PET117: variants seen among roughly 807,000 people sequenced by gnomAD.
PET117 encodes the protein PET117 cytochrome c oxidase chaperone.
PET117 carries 10 observed loss-of-function variants against 9.2 expected under a neutral mutation model. That is an observed-to-expected ratio of 1.09 (90% CI 0.67 to 1.85). The LOEUF (loss-of-function observed/expected upper bound fraction) is 1.85, where lower values mean the gene tolerates loss of function less well. PET117 is among the 40% of genes most tolerant of loss of function. The pLI is 0.00. For missense variants in PET117, 96 were observed against 98.2 expected (o/e 0.98, Z 0.09); for synonymous variants, 43 against 37.1 (o/e 1.16, Z -0.57).
intron 1 of PET117, among the ~76,000 whole-genome samples, chr20:18,142,005 G>A (rs1052959876): frequency 1.3e-5 from 2 of 151,908 alleles, no homozygotes; most frequent in African/African-American, 4.8e-5. Context: ...AATCATTTCA[G>A]TAATAACATT....
chr20:18,141,634 G>A (rs1205213), intron 1 of PET117, among the ~76,000 whole-genome samples: 28,987 of 152,134 alleles, frequency 0.19, 2,940 homozygotes, highest in Non-Finnish European at 0.21. Context: ...CCTGTAATCC[G>A]GCACTTTGGG....
intron 1 of PET117, among the ~76,000 whole-genome samples, chr20:18,141,047 A>ATT (rs59461611): frequency 3.7e-4 from 34 of 92,848 alleles, no homozygotes; most frequent in African/African-American, 1.5e-3. Context: ...TTTTTTTTTT[A>ATT]TTTTTATTTT....
Position 18,137,954 on chromosome 20 carries a change from G to C in PET117, c.-2G>C. ...AGAGAGGCCGCGGCCGCCAGCGTGG[G>C]GATGTCTAGGAGCTCGAAGGTGGTG... On this transcript the variant is annotated 5_prime_UTR_variant, in exon 1 of 2. Coordinates refer to ENST00000432901, the MANE Select transcript of PET117 (RefSeq NM_001164811.2). 6.7e-7 allele frequency: 1 copy of C among 1,487,340 alleles called. No homozygotes were observed. Among genetic ancestry groups the C allele is most frequent in the Non-Finnish European group, 8.9e-7 (1 of 1,126,340 alleles). 92.1% of individuals were successfully genotyped at this position (1,487,340 alleles called of 1,614,324 possible). A position where few individuals can be genotyped will look rare whatever the true frequency, so the allele number is the denominator to read the frequency against.
At chr20:18,138,134 C>T (rs1248061651) in intron 1 of PET117, 83 bp downstream of exon 1, 1 of 1,362,522 alleles carries the variant, frequency 7.3e-7, no homozygotes, top group Non-Finnish European at 9.4e-7. Context: ...CCGCTCGGTT[C>T]CTCAGCTCCT....
Position 18,142,673 on chromosome 20 carries a change from A to C in PET117, c.*316A>C, listed in dbSNP as rs1568662136. 10 of 1,614,210 alleles carry C rather than the reference A, an allele frequency of 6.2e-6. No individual in the cohort carries two copies. The highest frequency in any genetic ancestry group is 5.1e-6 in the Non-Finnish European group (6 of 1,180,044). ...TGAGAAGGAAGGGATGGATAGTAGCATCCACCTGAGTAGTCTGATCAGTCG... is the reference window on the plus strand; with the variant it reads ...TGAGAAGGAAGGGATGGATAGTAGCCTCCACCTGAGTAGTCTGATCAGTCG... On this transcript the variant is annotated 3_prime_UTR_variant, in exon 2 of 2. Coordinates refer to ENST00000432901, the MANE Select transcript of PET117 (RefSeq NM_001164811.2).
At position 18,142,609 on chromosome 20, in the gene PET117, A is replaced by G; in HGVS notation, c.*252A>G. 3 of 1,607,748 alleles carry G rather than the reference A, an allele frequency of 1.9e-6. No homozygotes were observed. The highest frequency in any genetic ancestry group is 2.2e-5 in the East Asian group (1 of 44,776). The stretch of plus-strand genomic sequence containing the variant: ...AGAAGCCCCATTAGGGTCACTGTCC[A>G]GTGCTTAGGGTTGTTACTGAGAAGC... On this transcript the variant is annotated 3_prime_UTR_variant, in exon 2 of 2. Coordinates refer to ENST00000432901, the MANE Select transcript of PET117 (RefSeq NM_001164811.2).
chr20:18,141,057 T>C, intron 1 of PET117, among the ~76,000 whole-genome samples: 1 of 139,056 alleles, frequency 7.2e-6, no homozygotes, highest in South Asian at 2.3e-4. Context: ...ATTTTTATTT[T>C]TGCTAGAGAT....
intron 1 of PET117, 118 bp downstream of exon 1, chr20:18,138,169 C>T (rs888942271): frequency 2.2e-4 from 292 of 1,335,368 alleles, no homozygotes; most frequent in Non-Finnish European, 2.4e-4. Context: ...CCCGCGGTGG[C>T]GCGGCCCTGC....
At chr20:18,141,061 TAGAG>T (rs2037555587) in intron 1 of PET117, among the ~76,000 whole-genome samples, 2 of 139,658 alleles carry the variant, frequency 1.4e-5, no homozygotes, top group African/African-American at 2.7e-5. Flanking sequence ...TTATTTTTGC[TAGAG>T]ATGGGATTTT....
At chr20:18,140,966 T>A (rs1464665041) in intron 1 of PET117, among the ~76,000 whole-genome samples, 1 of 146,410 alleles carries the variant, frequency 6.8e-6, no homozygotes, top group African/African-American at 2.5e-5. Flanking sequence ...GAGGTGATCC[T>A]ATCACCTCAG....
intron 1 of PET117, chr20:18,138,392 C>T (rs1240502284): frequency 9.6e-7 from 1 of 1,043,660 alleles, no homozygotes; most frequent in Non-Finnish European, 1.2e-6. Context: ...TCACAGCCGG[C>T]CCGCAGGGTG....
intron 1 of PET117, among the ~76,000 whole-genome samples, chr20:18,141,757 G>A (rs932564064): frequency 1.3e-5 from 2 of 152,070 alleles, no homozygotes; most frequent in Non-Finnish European, 2.9e-5. Context: ...GGTGATGCAC[G>A]CCTGTAGTCT....
In PET117 at chr20:18,143,039, T is replaced by C; in HGVS notation, c.*682T>C. The C allele has an allele frequency of 6.9e-7, 1 of 1,447,184 alleles. No individual in the cohort carries two copies. The highest frequency in any genetic ancestry group is 1.5e-5 in the South Asian group (1 of 66,782). 89.6% of individuals were successfully genotyped at this position (1,447,184 alleles called of 1,614,324 possible). A position where few individuals can be genotyped will look rare whatever the true frequency, so the allele number is the denominator to read the frequency against. ...AATAAAAGGATAATTATATTTATTC[T>C]CTAGTTGATCAGCTATAAATTTATA... On this transcript the variant is annotated 3_prime_UTR_variant, in exon 2 of 2. Transcript: ENST00000432901.
intron 1 of PET117, among the ~76,000 whole-genome samples, chr20:18,139,042 C>T (rs750664979): frequency 1.3e-5 from 2 of 152,186 alleles, no homozygotes; most frequent in African/African-American, 2.4e-5. Context: ...TTTGCCTACC[C>T]AGACCTTTGG....
At chr20:18,138,196 G>A (rs2037371344) in intron 1 of PET117, 145 bp downstream of exon 1, 1 of 1,267,402 alleles carries the variant, frequency 7.9e-7, no homozygotes, top group Non-Finnish European at 9.9e-7. Context: ...CGCGTTTGCG[G>A]CTGCGGCCGG....
chr20:18,141,031 T>TA (rs2037535146), intron 1 of PET117, among the ~76,000 whole-genome samples: 1 of 16,086 alleles, frequency 6.2e-5, no homozygotes, highest in African/African-American at 1.5e-4. Flanking sequence ...CAATTTTTTT[T>TA]TTTTTTTTTT....
chr20:18,141,041 TTTTTTA>T (rs1158958310), intron 1 of PET117, among the ~76,000 whole-genome samples: 903 of 43,370 alleles, frequency 0.021, 11 homozygotes, highest in African/African-American at 0.045. Context: ...TTTTTTTTTT[TTTTTTA>T]TTTTTATTTT....
chr20:18,137,866 C>T lies in PET117; in HGVS notation c.-90C>T. 1.5e-6 allele frequency: 2 copies of T among 1,318,674 alleles called. No homozygotes were observed. Among genetic ancestry groups the T allele is most frequent in the Non-Finnish European group, 2.0e-6 (2 of 1,015,258 alleles). 81.7% of individuals were successfully genotyped at this position (1,318,674 alleles called of 1,614,324 possible). A position where few individuals can be genotyped will look rare whatever the true frequency, so the allele number is the denominator to read the frequency against. ...GGGGCTCTGCGCTCGAGGGGTCGAG[C>T]CTGGGCAGTACAGGCGGCGGTGCGC... is the stretch of plus-strand genomic sequence containing the variant. On this transcript the variant is annotated 5_prime_UTR_variant, in exon 1 of 2. Transcript: ENST00000432901.
At chr20:18,140,124 G>T (rs1257826199) in intron 1 of PET117, among the ~76,000 whole-genome samples, 1 of 152,142 alleles carries the variant, frequency 6.6e-6, no homozygotes, top group Admixed American at 6.5e-5. Context: ...TGAGAAGGAA[G>T]GGTAGGATCT....
Sources: gnomAD v4.1 joint callset for allele counts (sites outside exome capture counted in the v4.1 genomes callset) on GRCh38, gnomAD v4.1.1 for gene constraint, MANE v1.5 for transcripts, NCBI Gene and HGNC (gene_info 2026-07-23, HGNC 2026-07-21) for gene names.